Variants in CAST observed in about 807,000 individuals in gnomAD.
CAST encodes the protein calpastatin.
A neutral mutation model predicts 119.6 loss-of-function variants in CAST; 76 were observed. That is an observed-to-expected ratio of 0.64 (90% confidence interval 0.53 to 0.77). The LOEUF (loss-of-function observed/expected upper bound fraction) is 0.77. Ranked by LOEUF, CAST falls within the 30% of genes least tolerant of loss-of-function variation. CAST has a pLI of 0.00. For synonymous variants in CAST, 319 were observed against 331.6 expected (o/e 0.96, Z 0.41); for missense variants, 953 against 946.5 (o/e 1.01, Z -0.09).
the CAST span, among the ~76,000 whole-genome samples, chr5:96,273,831 G>T: frequency 1.3e-5 from 2 of 151,936 alleles, no homozygotes; most frequent in East Asian, 3.9e-4. Context: ...TCCTGGACTG[G>T]CCTTAGCAGT....
chr5:96,199,789 C>T, the CAST span, among the ~76,000 whole-genome samples: 1 of 152,110 alleles, frequency 6.6e-6, no homozygotes, highest in African/African-American at 2.4e-5. Flanking sequence ...ACTAACTCCA[C>T]CTACAGCAGA....
the CAST span, chr5:95,961,685 G>T: frequency 6.2e-7 from 1 of 1,605,490 alleles, no homozygotes. Flanking sequence ...CCATAGCGCT[G>T]CTCCTCCCGC....
chr5:96,251,309 G>C, the CAST span, among the ~76,000 whole-genome samples: 1 of 152,286 alleles, frequency 6.6e-6, no homozygotes, highest in Middle Eastern at 3.4e-3. Flanking sequence ...GAAGGTGTAA[G>C]TCCATGTATA....
the CAST span, among the ~76,000 whole-genome samples, chr5:96,094,431 T>C: frequency 3.3e-5 from 5 of 152,104 alleles, no homozygotes; most frequent in Non-Finnish European, 5.9e-5. Flanking sequence ...GACCTTTTTT[T>C]TTTTTTCCTT....
rs552990049 is a variant in CAST at position 96,741,905 on chromosome 5, C to CT, written c.1098+328dup. Reference sequence around the variant, plus strand: ...CCTTCAAGTTTGATTGTATAAAGGACTTTGAGCCCTGAGGATCACTAGAGG... The same window carrying CT: ...CCTTCAAGTTTGATTGTATAAAGGACTTTTGAGCCCTGAGGATCACTAGAGG... On this transcript the variant is annotated intron_variant, in intron 15 of 31. Transcript: ENST00000675179. 532 of 224,036 alleles carry CT rather than the reference C, an allele frequency of 2.4e-3. 1 individual carries two copies. The highest frequency in any genetic ancestry group is 3.4e-3 in the Non-Finnish European group (375 of 111,392). The allele number at this position is 224,036 out of a possible 1,614,324, so 13.9% of individuals were successfully genotyped here. A position where few individuals can be genotyped will look rare whatever the true frequency, so the allele number is the denominator to read the frequency against.
At chr5:96,396,711 T>G in the CAST span, among the ~76,000 whole-genome samples, 1 of 152,208 alleles carries the variant, frequency 6.6e-6, no homozygotes, top group African/African-American at 2.4e-5. Context: ...AAATAAATAA[T>G]TAAGCTATAT....
chr5:96,458,620 C>A, the CAST span, among the ~76,000 whole-genome samples: 18 of 152,146 alleles, frequency 1.2e-4, no homozygotes, highest in Non-Finnish European at 2.4e-4. Flanking sequence ...GTTAGAGGCT[C>A]AGGCCTTTAG....
the CAST span, among the ~76,000 whole-genome samples, chr5:96,294,164 A>G: frequency 6.6e-6 from 1 of 152,244 alleles, no homozygotes; most frequent in Non-Finnish European, 1.5e-5. Flanking sequence ...CAACTAGCTA[A>G]CAACTTAAAA....
At chr5:96,477,035 T>C in the CAST span, among the ~76,000 whole-genome samples, 2 of 150,982 alleles carry the variant, frequency 1.3e-5, no homozygotes, top group African/African-American at 2.4e-5. Context: ...TTGATCTATC[T>C]AGTAACTAAC....
At chr5:96,660,359 A>G (rs1160845448), upstream of CAST, among the ~76,000 whole-genome samples, 1 of 152,192 alleles carries the variant, frequency 6.6e-6, no homozygotes, top group African/African-American at 2.4e-5. Context: ...CTACACCATC[A>G]TGTGTTACAA....
At chr5:96,464,708 T>A in the CAST span, among the ~76,000 whole-genome samples, 2 of 152,050 alleles carry the variant, frequency 1.3e-5, no homozygotes, top group Non-Finnish European at 2.9e-5. Context: ...ACAGTAAAAA[T>A]TGTCTATTCT....
the CAST span, among the ~76,000 whole-genome samples, chr5:96,236,562 G>A: frequency 6.6e-6 from 1 of 152,136 alleles, no homozygotes; most frequent in African/African-American, 2.4e-5. Flanking sequence ...ATTTTTAAGA[G>A]GATTTAAGGA....
chr5:96,536,031 GTTTT>G (rs533558053), intron 1 of CAST, among the ~76,000 whole-genome samples: 2,164 of 103,804 alleles, frequency 0.021, 61 homozygotes, highest in African/African-American at 0.066. Flanking sequence ...AATATTTAAG[GTTTT>G]TTTTTTTTTT....
At chr5:96,325,363 TTC>T in the CAST span, among the ~76,000 whole-genome samples, 55 of 35,308 alleles carry the variant, frequency 1.6e-3, no homozygotes, top group Admixed American at 0.011. Context: ...CAATCAATCT[TTC>T]TTTCTTTTCT....
chr5:96,567,012 C>T (rs1746479147), intron 1 of CAST, among the ~76,000 whole-genome samples: 1 of 152,174 alleles, frequency 6.6e-6, no homozygotes. Context: ...AGAAGGGCCA[C>T]GAGGGCTGGT....
the CAST span, among the ~76,000 whole-genome samples, chr5:96,171,610 C>T: frequency 6.6e-6 from 1 of 152,188 alleles, no homozygotes; most frequent in African/African-American, 2.4e-5. Flanking sequence ...ACTGTCTTCC[C>T]AAGTCCGTGA....
chr5:96,737,771 A>G (rs1405595001), intron 10 of CAST, 78 bp from the exon 11 acceptor site: 5 of 763,132 alleles, frequency 6.6e-6, no homozygotes, highest in Non-Finnish European at 1.1e-5. Context: ...TCTACACAGA[A>G]TGGCTTTTTT....
chr5:96,347,719 C>T, the CAST span, among the ~76,000 whole-genome samples: 1 of 152,092 alleles, frequency 6.6e-6, no homozygotes, highest in Non-Finnish European at 1.5e-5. Context: ...GTCATCCCAG[C>T]AATGGAATAA....
chr5:96,550,065 C>A (rs944239771), intron 1 of CAST, among the ~76,000 whole-genome samples: 1 of 152,242 alleles, frequency 6.6e-6, no homozygotes, highest in African/African-American at 2.4e-5. Flanking sequence ...GTTCTCCCAG[C>A]ACAGCGTATG....
Sources: gnomAD v4.1 joint callset for allele counts (sites outside exome capture counted in the v4.1 genomes callset) on GRCh38, gnomAD v4.1.1 for gene constraint, MANE v1.5 for transcripts, NCBI Gene and HGNC (gene_info 2026-07-23, HGNC 2026-07-21) for gene names.